The following SPAG16 variants were observed in gnomAD, a reference collection of about 807,000 sequenced individuals.
SPAG16 encodes the protein sperm associated antigen 16, also known as sperm-associated antigen 16 protein.
Under a neutral mutation model 80.4 loss-of-function variants are expected in SPAG16, and 86 were observed. The observed-to-expected ratio is 1.07, with a 90% CI of 0.90 to 1.28. The LOEUF (loss-of-function observed/expected upper bound fraction) is 1.28, where lower values mean the gene tolerates loss of function less well. Among genes scored for constraint, SPAG16 ranks in the 50% most tolerant of loss-of-function variants. The probability of loss-of-function intolerance (pLI) is 0.00; values close to 1 mark genes in which losing one functional copy is unlikely to be tolerated. For missense variants in SPAG16, 870 were observed against 765.3 expected, an observed-to-expected ratio of 1.14 and a Z score of -1.61; for synonymous variants, 294 against 265.9, an observed-to-expected ratio of 1.11 and a Z score of -1.03.
chr2:213,371,396 C>CAAAAA (rs1161878780), intron 8 of SPAG16, among the ~76,000 whole-genome samples: 38 of 47,210 alleles, frequency 8.0e-4, no homozygotes, highest in African/African-American at 2.3e-3. Context: ...GACCGTGTCT[C>CAAAAA]AAAAAAAAAA....
intron 10 of SPAG16, among the ~76,000 whole-genome samples, chr2:213,520,665 A>T (rs1220384779): frequency 6.6e-6 from 1 of 152,234 alleles, no homozygotes; most frequent in South Asian, 2.1e-4. Context: ...CAGCCCTAGG[A>T]GACTACTACT....
At chr2:213,887,594 A>C (rs868843322) in intron 11 of SPAG16, among the ~76,000 whole-genome samples, 4 of 151,944 alleles carry the variant, frequency 2.6e-5, no homozygotes, top group South Asian at 4.1e-4. Context: ...GCACTTGTTC[A>C]AAACTTTCTG....
chr2:213,867,136 A>T (rs2075720782), intron 11 of SPAG16, among the ~76,000 whole-genome samples: 1 of 152,214 alleles, frequency 6.6e-6, no homozygotes. Context: ...AAGGACATGG[A>T]TAACTTTCGT....
intron 11 of SPAG16, among the ~76,000 whole-genome samples, chr2:213,913,675 G>GTATAT (rs2077808503): frequency 8.9e-6 from 1 of 112,140 alleles, no homozygotes; most frequent in African/African-American, 3.5e-5. Flanking sequence ...ATGTACATAT[G>GTATAT]GATATATATG....
chr2:213,490,241 G>A (rs942157092), intron 10 of SPAG16, 151 bp downstream of exon 10: 1 of 697,832 alleles, frequency 1.4e-6, no homozygotes, highest in Non-Finnish European at 2.2e-6. Flanking sequence ...TATAGTAGCT[G>A]TAAGAATCTT....
At chr2:213,834,964 TATTGGGTAAC>T (rs998987278) in intron 10 of SPAG16, among the ~76,000 whole-genome samples, 9 of 152,178 alleles carry the variant, frequency 5.9e-5, no homozygotes, top group Non-Finnish European at 1.0e-4. Context: ...TAGGTTCTTT[TATTGGGTAAC>T]ATTTTAGGTT....
chr2:213,288,440 G>C (rs1387810144), intron 1 of SPAG16, among the ~76,000 whole-genome samples: 1 of 151,844 alleles, frequency 6.6e-6, no homozygotes, highest in African/African-American at 2.4e-5. Context: ...GAGTAGCTGG[G>C]ACTACAGGCA....
At chr2:214,139,596 C>T (rs1295372406) in intron 14 of SPAG16, among the ~76,000 whole-genome samples, 5 of 151,988 alleles carry the variant, frequency 3.3e-5, no homozygotes, top group South Asian at 2.1e-4. Flanking sequence ...TCTGAAATTA[C>T]AAATTTTTAT....
intron 15 of SPAG16, among the ~76,000 whole-genome samples, chr2:214,292,249 TG>T (rs1693854128): frequency 6.6e-6 from 1 of 152,182 alleles, no homozygotes; most frequent in Non-Finnish European, 1.5e-5. Context: ...TGTAGCTGTT[TG>T]GGGATCACTG....
At chr2:214,180,786 T>C (rs1233861317) in intron 15 of SPAG16, among the ~76,000 whole-genome samples, 1 of 151,720 alleles carries the variant, frequency 6.6e-6, no homozygotes, top group Admixed American at 6.6e-5. Flanking sequence ...ATTTTTCTTA[T>C]ACCTAAAGAA....
chr2:213,686,822 A>AACC (rs2064704411), intron 10 of SPAG16, among the ~76,000 whole-genome samples: 1 of 151,370 alleles, frequency 6.6e-6, no homozygotes, highest in Non-Finnish European at 1.5e-5. Context: ...TAGCTGGGAC[A>AACC]ACAGGCGCGT....
At chr2:214,388,707 G>C (rs1700898692) in intron 15 of SPAG16, among the ~76,000 whole-genome samples, 1 of 151,996 alleles carries the variant, frequency 6.6e-6, no homozygotes, top group Non-Finnish European at 1.5e-5. Flanking sequence ...AACTTTACTG[G>C]GTGGGGAACA....
At chr2:213,358,430 A>G (rs974627254) in intron 7 of SPAG16, among the ~76,000 whole-genome samples, 1 of 152,138 alleles carries the variant, frequency 6.6e-6, no homozygotes, top group Non-Finnish European at 1.5e-5. Flanking sequence ...ACATAGTGCC[A>G]TATTTCTTGG....
chr2:214,105,483 C>T lies in SPAG16; in HGVS notation c.1528-2713C>T, dbSNP rs7569202. 9.0e-3 allele frequency among the ~76,000 whole-genome samples: 1,375 copies of T among 152,188 alleles called. 23 individuals carry two copies. Among genetic ancestry groups the T allele is most frequent in the African/African-American group, 0.031 (1,300 of 41,538 alleles). The stretch of plus-strand genomic sequence containing the variant: ...ATCAGGCAACTGAAGCACAGTAAAG[C>T]AAAGCAATTTGTTTAAGGTCACACA... On this transcript the variant is annotated intron_variant, in intron 13 of 15. Coordinates refer to ENST00000331683, the MANE Select transcript of SPAG16 (RefSeq NM_024532.5).
intron 11 of SPAG16, among the ~76,000 whole-genome samples, chr2:213,869,400 T>C (rs1355956331): frequency 6.7e-6 from 1 of 150,004 alleles, no homozygotes; most frequent in Admixed American, 6.7e-5. Flanking sequence ...AATACAGATA[T>C]TGATATACTG....
intron 10 of SPAG16, among the ~76,000 whole-genome samples, chr2:213,610,442 C>T (rs377401461): frequency 4.6e-5 from 7 of 152,112 alleles, no homozygotes; most frequent in African/African-American, 1.2e-4. Context: ...TGTGAGATTT[C>T]GTCTACATAA....
intron 10 of SPAG16, among the ~76,000 whole-genome samples, chr2:213,559,500 T>A (rs930230368): frequency 3.9e-5 from 6 of 152,212 alleles, no homozygotes; most frequent in African/African-American, 1.4e-4. Context: ...TGCTTGCTTA[T>A]CTAACTTACC....
chr2:214,126,589 G>C (rs2054508851), intron 14 of SPAG16, among the ~76,000 whole-genome samples: 1 of 151,706 alleles, frequency 6.6e-6, no homozygotes, highest in Admixed American at 6.7e-5. Context: ...CACATATTAA[G>C]AGAAAATAAA....
rs191991185 is a variant in SPAG16 at position 214,117,764 on chromosome 2, A to C, written c.1593+9503A>C. ...AATGAAAGACAAAAATTATATGATC[A>C]TCTCATTAGCCATGGGAAAAGCATT... is the stretch of plus-strand genomic sequence containing the variant. On this transcript the variant is annotated intron_variant, in intron 14 of 15. Coordinates refer to ENST00000331683, the MANE Select transcript of SPAG16 (RefSeq NM_024532.5). 3.2e-4 allele frequency among the ~76,000 whole-genome samples: 48 copies of C among 152,340 alleles called. No individual in the cohort carries two copies. The East Asian group carries it at 9.1e-3, about 29-fold the overall frequency.
Sources: gnomAD v4.1 joint callset for allele counts (sites outside exome capture counted in the v4.1 genomes callset) on GRCh38, gnomAD v4.1.1 for gene constraint, MANE v1.5 for transcripts, NCBI Gene and HGNC (gene_info 2026-07-23, HGNC 2026-07-21) for gene names.